Variants in RGS7BP observed in about 807,000 individuals in gnomAD.
The protein encoded by RGS7BP is regulator of G protein signaling 7-binding protein.
In RGS7BP, 9 loss-of-function variants were observed where a neutral mutation model predicts 31.3. The ratio of observed to expected loss-of-function variants is 0.29; its 90% CI spans 0.17 to 0.50. RGS7BP has a LOEUF of 0.50. RGS7BP is among the 20% of genes least tolerant of loss of function. The pLI, the probability that RGS7BP is intolerant of heterozygous loss-of-function variation, is 0.98. For synonymous variants in RGS7BP, 115 were observed against 120.1 expected, an observed-to-expected ratio of 0.96 and a Z score of 0.28; for missense variants, 274 against 322.0, an observed-to-expected ratio of 0.85 and a Z score of 1.14.
chr5:64,570,503 C>T (rs114220731), intron 2 of RGS7BP, among the ~76,000 whole-genome samples: 4,485 of 152,220 alleles, frequency 0.029, 139 homozygotes, highest in Non-Finnish European at 0.041. Flanking sequence ...TAAATCATTA[C>T]ATTAGGGACA....
At chr5:64,573,396 C>T (rs776703313) in intron 2 of RGS7BP, among the ~76,000 whole-genome samples, 27 of 152,060 alleles carry the variant, frequency 1.8e-4, no homozygotes, top group Non-Finnish European at 2.8e-4. Flanking sequence ...ATGAAGTTTG[C>T]GTATTTTTGG....
chr5:64,510,569 G>A (rs1206453418), intron 2 of RGS7BP, among the ~76,000 whole-genome samples: 2 of 152,132 alleles, frequency 1.3e-5, no homozygotes, highest in Non-Finnish European at 2.9e-5. Flanking sequence ...AGATGAGCTC[G>A]AGAAATCTTT....
In RGS7BP at chr5:64,604,357, C is replaced by T. The variant is rs564776521; in HGVS notation, c.683-4804C>T. On this transcript the variant is annotated intron_variant, in intron 5 of 5. Coordinates refer to ENST00000334025, the MANE Select transcript of RGS7BP (RefSeq NM_001029875.3). ...CCCCCCTTCTCCTGCCTGGCATTCTCATAGCAATGTATTCAGATCTTTCTT... is the reference window on the plus strand; with the variant it reads ...CCCCCCTTCTCCTGCCTGGCATTCTTATAGCAATGTATTCAGATCTTTCTT... 9.2e-5 allele frequency among the ~76,000 whole-genome samples: 14 copies of T among 152,206 alleles called. No homozygotes were observed. In the South Asian group the frequency reaches 1.0e-3, roughly 11 times the overall value.
At chr5:64,532,958 C>A (rs905174145) in intron 2 of RGS7BP, among the ~76,000 whole-genome samples, 14 of 152,170 alleles carry the variant, frequency 9.2e-5, no homozygotes, top group Admixed American at 7.9e-4. Context: ...CATCAATATA[C>A]ACATACTGAT....
intron 2 of RGS7BP, among the ~76,000 whole-genome samples, chr5:64,571,686 C>T (rs973940348): frequency 6.6e-6 from 1 of 152,094 alleles, no homozygotes; most frequent in Non-Finnish European, 1.5e-5. Flanking sequence ...TTTCCATTAT[C>T]AAGAGGCAAC....
At chr5:64,507,515 G>A (rs272631) in intron 1 of RGS7BP, among the ~76,000 whole-genome samples, 196 bp from the exon 2 acceptor site, 44,168 of 151,976 alleles carry the variant, frequency 0.29, 7,278 homozygotes, top group Admixed American at 0.37. Flanking sequence ...CTTGCCTATG[G>A]AAATAAATAC....
intron 2 of RGS7BP, among the ~76,000 whole-genome samples, chr5:64,562,375 A>G (rs918273575): frequency 3.9e-5 from 6 of 152,086 alleles, no homozygotes; most frequent in Non-Finnish European, 7.4e-5. Context: ...TATATTTTCC[A>G]TATATTATTT....
At position 64,611,016 on chromosome 5, in the gene RGS7BP, T is replaced by C. The variant is rs1455748365; in HGVS notation, c.*1764T>C. ...TATACCTGGCTTCAAAAAAAAGAAG[T>C]AGCCGTGGAAAGCTATATGAGAAAA... On this transcript the variant is annotated 3_prime_UTR_variant, in exon 6 of 6. Transcript: ENST00000334025. 1 of 151,908 alleles carries C rather than the reference T, an allele frequency of 6.6e-6. No homozygotes were observed. Among genetic ancestry groups the C allele is most frequent in the African/African-American group, 2.4e-5 (1 of 41,404 alleles). 9.4% of individuals were successfully genotyped at this position (151,908 alleles called of 1,614,324 possible). A position where few individuals can be genotyped will look rare whatever the true frequency, so the allele number is the denominator to read the frequency against.
chr5:64,542,964 T>TAGA (rs1741561841), intron 2 of RGS7BP, among the ~76,000 whole-genome samples: 1 of 152,206 alleles, frequency 6.6e-6, no homozygotes, highest in South Asian at 2.1e-4. Context: ...CTTGTGGAAG[T>TAGA]AGACTCATTA....
intron 2 of RGS7BP, among the ~76,000 whole-genome samples, chr5:64,531,100 A>G (rs1411944291): frequency 4.6e-5 from 7 of 152,228 alleles, no homozygotes; most frequent in Admixed American, 6.5e-5. Context: ...TGCAGGGAGT[A>G]GGAGAGGAAA....
intron 2 of RGS7BP, among the ~76,000 whole-genome samples, chr5:64,574,169 C>A (rs972204271): frequency 1.3e-5 from 2 of 151,934 alleles, no homozygotes. Context: ...TTACATGAAC[C>A]ATTAATGCCC....
At chr5:64,575,451 G>A (rs1742394010) in intron 2 of RGS7BP, among the ~76,000 whole-genome samples, 1 of 152,154 alleles carries the variant, frequency 6.6e-6, no homozygotes, top group Admixed American at 6.6e-5. Flanking sequence ...CAGGCTAGGA[G>A]ATTCTTATGG....
intron 3 of RGS7BP, among the ~76,000 whole-genome samples, chr5:64,589,324 G>A (rs1314820631): frequency 6.6e-6 from 1 of 151,774 alleles, no homozygotes; most frequent in African/African-American, 2.4e-5. Flanking sequence ...AAGTTACAGA[G>A]GGGAAAAGGA....
At chr5:64,523,643 G>T (rs148938690) in intron 2 of RGS7BP, among the ~76,000 whole-genome samples, 9 of 152,048 alleles carry the variant, frequency 5.9e-5, no homozygotes, top group Non-Finnish European at 1.3e-4. Flanking sequence ...GTTAAAACTT[G>T]TCAGTACCTG....
chr5:64,533,641 T>G (rs941101682), intron 2 of RGS7BP, among the ~76,000 whole-genome samples: 25 of 152,316 alleles, frequency 1.6e-4, no homozygotes, highest in Middle Eastern at 6.8e-3. Context: ...CACCTCATAT[T>G]TTTCTTCCAT....
intron 3 of RGS7BP, 116 bp from the exon 4 acceptor site, chr5:64,594,593 GT>G: frequency 1.1e-6 from 1 of 880,496 alleles, no homozygotes; most frequent in South Asian, 1.6e-5. Flanking sequence ...AGCTATTAGG[GT>G]TAATGGAACA....
At chr5:64,587,291 A>G (rs890501103) in intron 3 of RGS7BP, among the ~76,000 whole-genome samples, 3 of 152,210 alleles carry the variant, frequency 2.0e-5, no homozygotes, top group Non-Finnish European at 2.9e-5. Flanking sequence ...GATGACTTCA[A>G]CAAACTAGAA....
chr5:64,516,647 A>T (rs1253190285), intron 2 of RGS7BP, among the ~76,000 whole-genome samples: 1 of 152,220 alleles, frequency 6.6e-6, no homozygotes, highest in African/African-American at 2.4e-5. Flanking sequence ...TGTGGGTGGG[A>T]TGTCCTCGGA....
At chr5:64,566,472 A>G (rs937539056) in intron 2 of RGS7BP, among the ~76,000 whole-genome samples, 1 of 152,034 alleles carries the variant, frequency 6.6e-6, no homozygotes, top group Non-Finnish European at 1.5e-5. Flanking sequence ...GGAGTCTTAC[A>G]TGATTATTCA....
Sources: allele counts gnomAD v4.1 joint callset (sites outside exome capture counted in the v4.1 genomes callset), GRCh38; gene constraint gnomAD v4.1.1; transcripts MANE v1.5; gene names NCBI Gene and HGNC (gene_info 2026-07-23, HGNC 2026-07-21).